TIMD4: variants seen among roughly 807,000 people sequenced by gnomAD.
TIMD4 encodes T-cell immunoglobulin and mucin domain-containing protein 4.
TIMD4 carries 31 observed loss-of-function variants against 41.2 expected under a neutral mutation model. The observed-to-expected ratio is 0.75, with a 90% CI of 0.57 to 1.01. TIMD4 has a LOEUF of 1.01. Ranked by LOEUF, TIMD4 falls within the 50% of genes least tolerant of loss-of-function variation. The probability of loss-of-function intolerance (pLI) is 0.00; values close to 1 mark genes in which losing one functional copy is unlikely to be tolerated. For missense variants in TIMD4, 479 were observed against 472.5 expected (o/e 1.01, Z -0.13); for synonymous variants, 204 against 177.1 (o/e 1.15, Z -1.21).
At chr5:156,922,309 C>G in intron 6 of TIMD4, 93 bp from the exon 7 acceptor site, 1 of 974,436 alleles carries the variant, frequency 1.0e-6, no homozygotes, top group Non-Finnish European at 1.6e-6. Flanking sequence ...TTACAACCAC[C>G]AGCAGTTTCA....
In TIMD4 at chr5:156,928,295, T is replaced by TA. The variant is rs3068098; in HGVS notation, c.845-1984dup. Among the ~76,000 whole-genome samples, 1,204 of 146,274 alleles carry TA rather than the reference T, an allele frequency of 8.2e-3. 45 individuals are homozygous for TA. In the East Asian group the frequency reaches 0.12, roughly 15 times the overall value. ...CCTGGCAACAGAGAGAGACTCCATC[T>TA]AAAAAAAAAAGACAGAAAGAAATCC... On this transcript the variant is annotated intron_variant, in intron 5 of 8. Transcript: ENST00000274532.
intron 5 of TIMD4, among the ~76,000 whole-genome samples, chr5:156,944,495 CTTTTTTTTTTTTTTT>C (rs5872492): frequency 1.4e-5 from 1 of 69,096 alleles, no homozygotes; most frequent in Non-Finnish European, 2.5e-5. Context: ...GCTGTGTGAT[CTTTTTTTTTTTTTTT>C]TTTTTTTTTT....
In TIMD4 at chr5:156,940,304, T is replaced by G. The variant is rs554570860; in HGVS notation, c.844+8112A>C. On this transcript the variant is annotated intron_variant, in intron 5 of 8. Transcript: ENST00000274532. ...GTGTAGTGGCGTGATCTCGGCTTGC[T>G]ACAACCTCCACCTCCCAGCCGCCTG... 7.2e-5 allele frequency among the ~76,000 whole-genome samples: 11 copies of G among 152,350 alleles called. No homozygotes were observed. The East Asian group carries it at 1.7e-3, about 24-fold the overall frequency.
chr5:156,919,428 C>A lies in TIMD4; in HGVS notation c.*29G>T. ...TTTTGACACTGGAGTGTCATGCCCC[C>A]ATCCTCAATCTAACATGCTACTGCG... is the stretch of plus-strand genomic sequence containing the variant. On this transcript the variant is annotated 3_prime_UTR_variant, in exon 9 of 9. Transcript: ENST00000274532. 6.3e-7 allele frequency: 1 copy of A among 1,592,880 alleles called. No homozygotes were observed. Among genetic ancestry groups the A allele is most frequent in the South Asian group, 1.1e-5 (1 of 90,584 alleles).
chr5:156,962,501 C>T (rs1249592573), intron 1 of TIMD4, among the ~76,000 whole-genome samples: 1 of 152,106 alleles, frequency 6.6e-6, no homozygotes, highest in Non-Finnish European at 1.5e-5. Context: ...ATTTAAAAAG[C>T]CAGGTCTCTC....
At chr5:156,949,418 CCCTCCTCCT>C (rs150412627) in intron 4 of TIMD4, among the ~76,000 whole-genome samples, 2,685 of 146,192 alleles carry the variant, frequency 0.018, 83 homozygotes, top group African/African-American at 0.057. Flanking sequence ...TTCCCTACCT[CCCTCCTCCT>C]CCTCCTCCTC....
At chr5:156,935,707 C>T (rs1308595129) in intron 5 of TIMD4, 1 of 152,208 alleles carries the variant, frequency 6.6e-6, no homozygotes, top group Non-Finnish European at 1.5e-5. Flanking sequence ...GGTTCTGAAC[C>T]TTGGCCTCAA....
chr5:156,926,323 A>T lies in TIMD4; in HGVS notation c.845-11T>A. The T allele has an allele frequency of 6.2e-7, 1 of 1,613,378 alleles. No homozygotes were observed. The highest frequency in any genetic ancestry group is 8.5e-7 in the Non-Finnish European group (1 of 1,179,522). The stretch of plus-strand genomic sequence containing the variant: ...CTGCTGTATCAGATGCTGGGAAGGA[A>T]AAGAGAAGAAAATGGTTATATGTCT... On this transcript the variant is annotated splice_polypyrimidine_tract_variant and intron_variant, in intron 5 of 8. Transcript: ENST00000274532.
chr5:156,923,449 T>A (rs374578275), intron 6 of TIMD4, among the ~76,000 whole-genome samples: 32 of 151,890 alleles, frequency 2.1e-4, no homozygotes, highest in Admixed American at 2.1e-3. Context: ...GCACCCGGCC[T>A]AAAAAAATTT....
intron 6 of TIMD4, among the ~76,000 whole-genome samples, chr5:156,923,143 ATTTT>A (rs375276732): frequency 0.011 from 1,518 of 135,010 alleles, 30 homozygotes; most frequent in African/African-American, 0.039. Context: ...CTGGGATTAA[ATTTT>A]TTTTTTTTTT....
intron 5 of TIMD4, among the ~76,000 whole-genome samples, chr5:156,930,738 A>T (rs140666184): frequency 1.2e-3 from 181 of 152,358 alleles, no homozygotes; most frequent in Admixed American, 5.0e-3. Context: ...CATCTTAATA[A>T]CAAGAATACA....
intron 5 of TIMD4, among the ~76,000 whole-genome samples, chr5:156,936,390 G>A (rs1759540379): frequency 6.6e-6 from 1 of 152,170 alleles, no homozygotes. Context: ...AGTACAATGT[G>A]AAGTACTTCT....
intron 1 of TIMD4, among the ~76,000 whole-genome samples, chr5:156,959,488 G>T (rs1341502944): frequency 2.6e-5 from 4 of 152,274 alleles, no homozygotes; most frequent in East Asian, 3.9e-4. Context: ...TGTTGTAAAA[G>T]TATCCCTGAG....
chr5:156,961,353 C>A (rs188204989), intron 1 of TIMD4, among the ~76,000 whole-genome samples: 7 of 152,268 alleles, frequency 4.6e-5, no homozygotes, highest in East Asian at 3.9e-4. Context: ...ATAGAATTAC[C>A]ATATGATCCA....
chr5:156,929,806 C>T (rs182196165), intron 5 of TIMD4, among the ~76,000 whole-genome samples: 140 of 152,174 alleles, frequency 9.2e-4, no homozygotes, highest in Middle Eastern at 6.8e-3. Flanking sequence ...AATCAACACA[C>T]AAAGAATGAA....
rs138454661 is a variant in TIMD4 at position 156,948,409 on chromosome 5, C to T, written c.844+7G>A. On this transcript the variant is annotated splice_region_variant and intron_variant, in intron 5 of 8. Transcript: ENST00000274532. ...AAATAAAATAAAAAAAATCACAGCC[C>T]CCCTACCTCCAGGCTGAGGAGAAGA... The T allele has an allele frequency of 0.014, 19,041 of 1,395,016 alleles. 164 individuals carry two copies. Among genetic ancestry groups the T allele is most frequent in the Middle Eastern group, 0.026 (135 of 5,232 alleles). 86.4% of individuals were successfully genotyped at this position (1,395,016 alleles called of 1,614,324 possible). A position where few individuals can be genotyped will look rare whatever the true frequency, so the allele number is the denominator to read the frequency against.
intron 3 of TIMD4, 152 bp downstream of exon 3, chr5:156,951,360 A>G (rs1198117313): frequency 1.3e-5 from 12 of 956,988 alleles, no homozygotes; most frequent in Non-Finnish European, 1.8e-5. Context: ...TAAGCTACCC[A>G]GTCTGCGGTG....
intron 1 of TIMD4, 96 bp from the exon 2 acceptor site, chr5:156,954,852 A>C: frequency 9.6e-7 from 1 of 1,037,760 alleles, no homozygotes; most frequent in Non-Finnish European, 1.4e-6. Context: ...CAGGAAGATG[A>C]AGAAAGCTGT....
At chr5:156,919,859 T>C (rs2113333457) in intron 8 of TIMD4, among the ~76,000 whole-genome samples, 1 of 152,366 alleles carries the variant, frequency 6.6e-6, no homozygotes, top group Non-Finnish European at 1.5e-5. Context: ...TTCTTGCTAA[T>C]ACATATTGTG....
Sources: gnomAD v4.1 joint callset for allele counts (sites outside exome capture counted in the v4.1 genomes callset) on GRCh38, gnomAD v4.1.1 for gene constraint, MANE v1.5 for transcripts, NCBI Gene and HGNC (gene_info 2026-07-23, HGNC 2026-07-21) for gene names.